The following GABRG1 variants were observed in gnomAD, a reference collection of about 807,000 sequenced individuals.
GABRG1 encodes gamma-aminobutyric acid receptor subunit gamma-1.
GABRG1 carries 49 observed loss-of-function variants against 49.8 expected under a neutral mutation model. The ratio of observed to expected loss-of-function variants is 0.98; its 90% CI spans 0.78 to 1.25. The LOEUF is 1.25. GABRG1 is among the 50% of genes most tolerant of loss of function. The pLI is 0.00. For synonymous variants in GABRG1, 232 were observed against 185.1 expected (o/e 1.25, Z -2.06); for missense variants, 552 against 552.3 (o/e 1.00, Z 0.01).
At chr4:46,062,189 C>T in intron 5 of GABRG1, among the ~76,000 whole-genome samples, 1 of 151,858 alleles carries the variant, frequency 6.6e-6, no homozygotes, top group Non-Finnish European at 1.5e-5. Flanking sequence ...ATCCATGTCC[C>T]TACAAAGGAC....
At position 46,083,340 on chromosome 4, in the gene GABRG1, C is replaced by T. The variant is rs1038979983; in HGVS notation, c.321+646G>A. ...CCCTAACTTGGACTCTTACCTCCAT[C>T]TTCTATACTGCTATAAGAGAGATGT... On this transcript the variant is annotated intron_variant, in intron 3 of 8. Transcript: ENST00000295452. Among the ~76,000 whole-genome samples, 20 of 151,816 alleles carry T rather than the reference C, an allele frequency of 1.3e-4. No individual in the cohort carries two copies. The East Asian group carries it at 3.7e-3, about 28-fold the overall frequency.
At chr4:46,069,236 T>C (rs1390875159) in intron 3 of GABRG1, among the ~76,000 whole-genome samples, 1 of 152,056 alleles carries the variant, frequency 6.6e-6, no homozygotes, top group Non-Finnish European at 1.5e-5. Context: ...ATTTGATTGA[T>C]CCTGATTTAT....
At chr4:46,118,032 A>G (rs865897524) in intron 1 of GABRG1, among the ~76,000 whole-genome samples, 12 of 133,462 alleles carry the variant, frequency 9.0e-5, no homozygotes, top group East Asian at 8.4e-4. Context: ...CTATATACAT[A>G]TATACATATG....
intron 1 of GABRG1, among the ~76,000 whole-genome samples, chr4:46,113,961 T>C (rs1176601121): frequency 6.6e-6 from 1 of 151,112 alleles, no homozygotes; most frequent in African/African-American, 2.4e-5. Flanking sequence ...GAGTAGAAGA[T>C]GCAATATACT....
intron 3 of GABRG1, among the ~76,000 whole-genome samples, chr4:46,068,771 C>T (rs1012990134): frequency 2.0e-5 from 3 of 152,026 alleles, no homozygotes; most frequent in African/African-American, 7.2e-5. Flanking sequence ...CCAAACTGCT[C>T]TTGTACTTCA....
intron 1 of GABRG1, among the ~76,000 whole-genome samples, chr4:46,099,641 A>C (rs527642774): frequency 6.6e-6 from 1 of 151,736 alleles, no homozygotes; most frequent in Non-Finnish European, 1.5e-5. Flanking sequence ...TCCCACCACC[A>C]ACACCTTAGT....
chr4:46,103,130 G>A (rs983380571), intron 1 of GABRG1, among the ~76,000 whole-genome samples: 5 of 151,466 alleles, frequency 3.3e-5, no homozygotes, highest in Admixed American at 2.0e-4. Context: ...TGACACGGGA[G>A]GGAGCTTCTT....
chr4:46,080,103 G>A (rs1271975886), intron 3 of GABRG1, among the ~76,000 whole-genome samples: 2 of 151,528 alleles, frequency 1.3e-5, no homozygotes, highest in African/African-American at 4.8e-5. Flanking sequence ...TGTCGTTTTA[G>A]GCATTATTCA....
chr4:46,079,945 T>G (rs1719503950), intron 3 of GABRG1, among the ~76,000 whole-genome samples: 1 of 151,922 alleles, frequency 6.6e-6, no homozygotes, highest in African/African-American at 2.4e-5. Context: ...ATATTTTTCT[T>G]CTGCTTATAT....
intron 1 of GABRG1, among the ~76,000 whole-genome samples, chr4:46,116,097 A>G (rs1560376399): frequency 6.6e-6 from 1 of 150,780 alleles, no homozygotes; most frequent in Non-Finnish European, 1.5e-5. Flanking sequence ...TTTGTTGTTT[A>G]TTTGCTATGT....
chr4:46,049,541 A>G (rs1161852242), intron 8 of GABRG1, among the ~76,000 whole-genome samples: 1 of 151,958 alleles, frequency 6.6e-6, no homozygotes, highest in Non-Finnish European at 1.5e-5. Context: ...GCTATTTGCC[A>G]TTTAGTACTT....
chr4:46,079,000 T>A (rs1719462258), intron 3 of GABRG1, among the ~76,000 whole-genome samples: 1 of 151,696 alleles, frequency 6.6e-6, no homozygotes, highest in Non-Finnish European at 1.5e-5. Context: ...GAAAAATCCC[T>A]CATTTACATT....
intron 1 of GABRG1, 109 bp from the exon 2 acceptor site, chr4:46,097,458 A>G (rs1475765389): frequency 9.6e-7 from 1 of 1,037,770 alleles, no homozygotes; most frequent in East Asian, 2.6e-5. Flanking sequence ...ATGGCAGACA[A>G]AAAGGTATTA....
Position 46,123,975 on chromosome 4 carries a change from C to A in GABRG1, c.-62G>T. The A allele has an allele frequency of 7.9e-7, 1 of 1,270,586 alleles. No individual in the cohort carries two copies. Among genetic ancestry groups the A allele is most frequent in the South Asian group, 1.2e-5 (1 of 81,964 alleles). The allele number at this position is 1,270,586 out of a possible 1,614,324, so 78.7% of individuals were successfully genotyped here. On this transcript the variant is annotated 5_prime_UTR_variant, in exon 1 of 9. Transcript: ENST00000295452. ...TTCTCCCAGCCAGGACTTTTCCTCC[C>A]ACCTCAGCAGCAGCTGGCTGAGTAC...
intron 5 of GABRG1, among the ~76,000 whole-genome samples, chr4:46,061,680 T>C (rs1446785201): frequency 6.6e-6 from 1 of 151,730 alleles, no homozygotes; most frequent in African/African-American, 2.4e-5. Context: ...GGTTTTTTTT[T>C]AGGATAAATA....
intron 2 of GABRG1, among the ~76,000 whole-genome samples, chr4:46,096,916 A>T (rs879544195): frequency 4.0e-5 from 6 of 151,784 alleles, no homozygotes; most frequent in Non-Finnish European, 5.9e-5. Context: ...TTCAAATATT[A>T]GCTCTTTTAT....
intron 1 of GABRG1, among the ~76,000 whole-genome samples, chr4:46,117,629 T>A (rs1720946125): frequency 1.4e-5 from 2 of 143,204 alleles, no homozygotes; most frequent in Non-Finnish European, 3.1e-5. Context: ...TATATACACA[T>A]ATGTATACAT....
intron 2 of GABRG1, among the ~76,000 whole-genome samples, chr4:46,087,286 G>A (rs531967569): frequency 4.0e-5 from 6 of 151,526 alleles, no homozygotes; most frequent in African/African-American, 1.4e-4. Context: ...CTGTGAATAC[G>A]TTATTGAGAC....
chr4:46,093,068 T>TCA (rs1335666748), intron 2 of GABRG1, among the ~76,000 whole-genome samples: 1 of 64,552 alleles, frequency 1.5e-5, no homozygotes, highest in Non-Finnish European at 3.5e-5. Context: ...AAACTCCATC[T>TCA]TAAAAAAAAA....
Sources: allele counts gnomAD v4.1 joint callset (sites outside exome capture counted in the v4.1 genomes callset), GRCh38; gene constraint gnomAD v4.1.1; transcripts MANE v1.5; gene names NCBI Gene and HGNC (gene_info 2026-07-23, HGNC 2026-07-21).